The following IAPP variants were observed in gnomAD, a reference collection of about 807,000 sequenced individuals.
The protein encoded by IAPP is islet amyloid polypeptide, also known as Islet amyloid polypeptide (diabetes-associated peptide; amylin).
In IAPP, 4 loss-of-function variants were observed where a neutral mutation model predicts 2.9. The ratio of observed to expected loss-of-function variants is 1.39; its 90% CI spans 0.69 to 3.19. IAPP has a LOEUF of 3.19. IAPP is among the 30% of genes most tolerant of loss of function. The pLI is 0.01. For synonymous variants in IAPP, 40 were observed against 42.1 expected, an observed-to-expected ratio of 0.95 and a Z score of 0.19; for missense variants, 114 against 105.3, an observed-to-expected ratio of 1.08 and a Z score of -0.36.
chr12:21,368,012 TA>T (rs1406944566), upstream of IAPP, among the ~76,000 whole-genome samples: 2 of 152,026 alleles, frequency 1.3e-5, no homozygotes, highest in East Asian at 3.8e-4. Context: ...CAACCCCTAA[TA>T]AAAAGGATTT....
chr12:21,360,865 G>A (rs982700135), intron 1 of IAPP, among the ~76,000 whole-genome samples: 39 of 152,206 alleles, frequency 2.6e-4, no homozygotes, highest in Non-Finnish European at 5.3e-4. Context: ...GCTGAGGCTT[G>A]AGAAGGTAAA....
At chr12:21,368,929 A>G (rs906926005), upstream of IAPP, among the ~76,000 whole-genome samples, 3 of 152,270 alleles carry the variant, frequency 2.0e-5, no homozygotes, top group African/African-American at 7.2e-5. Flanking sequence ...AATTTAATAA[A>G]TCAAGAGTGT....
intron 1 of IAPP, among the ~76,000 whole-genome samples, chr12:21,359,899 A>G (rs941687063): frequency 3.3e-5 from 5 of 152,230 alleles, no homozygotes; most frequent in African/African-American, 1.2e-4. Flanking sequence ...CCCGAAGTCC[A>G]TTAACAAAAT....
chr12:21,378,569 G>A lies in IAPP; in HGVS notation c.*143G>A. Reference sequence around the variant, plus strand: ...AGGACATATACCTTCTCAAAAGATTGTTTTATATGTAGTACTAACTAAGGT... The same window carrying A: ...AGGACATATACCTTCTCAAAAGATTATTTTATATGTAGTACTAACTAAGGT... On this transcript the variant is annotated 3_prime_UTR_variant, in exon 3 of 3. Coordinates refer to ENST00000240652, the MANE Select transcript of IAPP (RefSeq NM_000415.3). 1 of 675,514 alleles carries A rather than the reference G, an allele frequency of 1.5e-6. No individual in the cohort carries two copies. Among genetic ancestry groups the A allele is most frequent in the Non-Finnish European group, 2.6e-6 (1 of 385,300 alleles). 41.8% of individuals were successfully genotyped at this position (675,514 alleles called of 1,614,324 possible). A position where few individuals can be genotyped will look rare whatever the true frequency, so the allele number is the denominator to read the frequency against.
intron 1 of IAPP, among the ~76,000 whole-genome samples, chr12:21,365,463 A>T (rs1565517794): frequency 6.6e-6 from 1 of 152,212 alleles, no homozygotes; most frequent in Non-Finnish European, 1.5e-5. Flanking sequence ...AACCTAGGCC[A>T]TACCATTCAG....
In IAPP at chr12:21,378,461, T is replaced by A; in HGVS notation, c.*35T>A. On this transcript the variant is annotated 3_prime_UTR_variant, in exon 3 of 3. Coordinates refer to ENST00000240652, the MANE Select transcript of IAPP (RefSeq NM_000415.3). ...TAACTCTATAGTTATTGTTTTATGT[T>A]CTAGTGATTTCCTGTATAATTTAAC... 1 of 1,527,676 alleles carries A rather than the reference T, an allele frequency of 6.5e-7. No individual in the cohort carries two copies. Among genetic ancestry groups the A allele is most frequent in the Non-Finnish European group, 9.1e-7 (1 of 1,101,304 alleles). 94.6% of individuals were successfully genotyped at this position (1,527,676 alleles called of 1,614,324 possible).
chr12:21,362,254 TAAAGAA>T (rs1938965525), intron 1 of IAPP, among the ~76,000 whole-genome samples: 1 of 152,076 alleles, frequency 6.6e-6, no homozygotes, highest in South Asian at 2.1e-4. Flanking sequence ...TCAACATTCT[TAAAGAA>T]AAGAATTTTC....
Position 21,378,385 on chromosome 12 carries a change from G to C in IAPP, c.229G>C (p.Glu77Gln). Residue 77 changes from glutamate to glutamine, a missense_variant, in exon 3 of 3, where the codon GAG becomes CAG. Glu to Gln is a conservative substitution (Grantham distance 29). Coordinates refer to ENST00000240652, the MANE Select transcript of IAPP (RefSeq NM_000415.3). ...SNTYGKRNAVEVLKREPLNYL... is the reference protein window; with the variant it reads ...SNTYGKRNAVQVLKREPLNYL... The stretch of plus-strand genomic sequence containing the variant: ...TACATATGGCAAGAGGAATGCAGTA[G>C]AGGTTTTAAAGAGAGAGCCACTGAA... 1.2e-6 allele frequency: 2 copies of C among 1,614,164 alleles called. No homozygotes were observed. Among genetic ancestry groups the C allele is most frequent in the Non-Finnish European group, 1.7e-6 (2 of 1,179,988 alleles).
chr12:21,361,474 C>T (rs1271027064), intron 1 of IAPP, among the ~76,000 whole-genome samples: 1 of 152,166 alleles, frequency 6.6e-6, no homozygotes, highest in Non-Finnish European at 1.5e-5. Context: ...AAAATTAGCG[C>T]ACCTCTTCTC....
chr12:21,363,581 C>A (rs1198493203), intron 1 of IAPP, among the ~76,000 whole-genome samples: 1 of 152,036 alleles, frequency 6.6e-6, no homozygotes, highest in African/African-American at 2.4e-5. Flanking sequence ...CACAAAAAAA[C>A]CCTTCAAAAA....
At chr12:21,357,837 G>GT (rs1302157106) in intron 1 of IAPP, among the ~76,000 whole-genome samples, 2 of 152,142 alleles carry the variant, frequency 1.3e-5, no homozygotes, top group Non-Finnish European at 2.9e-5. Flanking sequence ...TATGAAAACA[G>GT]TATTAGAAAA....
chr12:21,355,367 T>C (rs1223058606), intron 1 of IAPP, among the ~76,000 whole-genome samples: 1 of 152,162 alleles, frequency 6.6e-6, no homozygotes, highest in Non-Finnish European at 1.5e-5. Context: ...CATATTTTTA[T>C]GGCTAAGCTC....
chr12:21,370,415 G>C (rs1348185245), upstream of IAPP, among the ~76,000 whole-genome samples: 2 of 151,110 alleles, frequency 1.3e-5, no homozygotes, highest in African/African-American at 2.4e-5. Context: ...TGCCATGTTG[G>C]TGTGCTGCAC....
intron 1 of IAPP, among the ~76,000 whole-genome samples, chr12:21,364,052 C>T: frequency 6.6e-6 from 1 of 152,138 alleles, no homozygotes; most frequent in Non-Finnish European, 1.5e-5. Flanking sequence ...TTTTATGAGG[C>T]CAGCATCATC....
At chr12:21,371,824 G>A (rs1019094835), upstream of IAPP, among the ~76,000 whole-genome samples, 4 of 152,038 alleles carry the variant, frequency 2.6e-5, no homozygotes, top group African/African-American at 9.7e-5. Context: ...CCAACATAGA[G>A]AATCCCCGTC....
At chr12:21,373,639 C>T (rs1465764246) in intron 2 of IAPP, 18 of 700,414 alleles carry the variant, frequency 2.6e-5, no homozygotes, top group Admixed American at 1.2e-4. Flanking sequence ...GAACTTCTGA[C>T]AGACAGGAAT....
rs1940459752 is a variant in IAPP, at chr12:21,379,615, G to A, written c.*1189G>A. On this transcript the variant is annotated 3_prime_UTR_variant, in exon 3 of 3. Coordinates refer to ENST00000240652, the MANE Select transcript of IAPP (RefSeq NM_000415.3). ...CAGAAGATGAAATGCTTTGCTTTGA[G>A]TCAGATTCTTATGAATATCTGCTTT... 6.6e-6 allele frequency: 1 copy of A among 152,162 alleles called. No homozygotes were observed. The highest frequency in any genetic ancestry group is 2.1e-4 in the South Asian group (1 of 4,830). 9.4% of individuals were successfully genotyped at this position (152,162 alleles called of 1,614,324 possible).
In IAPP at chr12:21,379,674, G is replaced by C. The variant is rs923493620; in HGVS notation, c.*1248G>C. 3.9e-5 allele frequency: 6 copies of C among 152,074 alleles called. No homozygotes were observed. Among genetic ancestry groups the C allele is most frequent in the African/African-American group, 1.4e-4 (6 of 41,398 alleles). 9.4% of individuals were successfully genotyped at this position (152,074 alleles called of 1,614,324 possible). The stretch of plus-strand genomic sequence containing the variant: ...TTTGAGTTAGGTAGCTTTGGAAGTA[G>C]CATTAATTCAGATAAACTGCCATCA... On this transcript the variant is annotated 3_prime_UTR_variant, in exon 3 of 3. Coordinates refer to ENST00000240652, the MANE Select transcript of IAPP (RefSeq NM_000415.3).
chr12:21,370,349 T>G (rs1939688322), upstream of IAPP, among the ~76,000 whole-genome samples: 1 of 152,056 alleles, frequency 6.6e-6, no homozygotes, highest in Admixed American at 6.6e-5. Context: ...TTTATTATAC[T>G]TTAAGTTTTA....
Sources: allele counts gnomAD v4.1 joint callset (sites outside exome capture counted in the v4.1 genomes callset), GRCh38; gene constraint gnomAD v4.1.1; transcripts MANE v1.5; gene names NCBI Gene and HGNC (gene_info 2026-07-23, HGNC 2026-07-21).